Variants in CLIP2 observed in about 807,000 individuals in gnomAD.
The protein encoded by CLIP2 is CAP-Gly domain-containing linker protein 2.
CLIP2 carries 41 observed loss-of-function variants against 111.7 expected under a neutral mutation model. The observed-to-expected ratio is 0.37, with a 90% CI of 0.29 to 0.48. CLIP2 has a LOEUF of 0.48. CLIP2 is among the 20% of genes least tolerant of loss of function. The probability of loss-of-function intolerance (pLI) is 0.99; values close to 1 mark genes in which losing one functional copy is unlikely to be tolerated. For synonymous variants in CLIP2, 660 were observed against 644.2 expected (o/e 1.02, Z -0.37); for missense variants, 1,160 against 1,422.1 (o/e 0.82, Z 2.96).
intron 3 of CLIP2, among the ~76,000 whole-genome samples, chr7:74,348,272 A>G (rs1789861239): frequency 6.6e-6 from 1 of 152,138 alleles, no homozygotes; most frequent in Non-Finnish European, 1.5e-5. Context: ...TAATTAATTC[A>G]AGAAAATTCC....
chr7:74,305,399 C>T (rs900251359), intron 1 of CLIP2, among the ~76,000 whole-genome samples: 3 of 152,182 alleles, frequency 2.0e-5, no homozygotes, highest in African/African-American at 7.2e-5. Flanking sequence ...AGGTTTGTGC[C>T]CTGTGGTTGC....
chr7:74,398,021 G>T (rs1177972280), intron 14 of CLIP2, among the ~76,000 whole-genome samples: 1 of 151,658 alleles, frequency 6.6e-6, no homozygotes, highest in Non-Finnish European at 1.5e-5. Flanking sequence ...CTGCAGAGAC[G>T]GGTTGGGGTA....
chr7:74,369,291 C>T lies in CLIP2; in HGVS notation c.1381-3641C>T, dbSNP rs1790541696. Among the ~76,000 whole-genome samples the T allele has an allele frequency of 2.0e-5, 3 of 152,240 alleles. No individual in the cohort carries two copies. The South Asian group carries it at 6.2e-4, about 32-fold the overall frequency. On this transcript the variant is annotated intron_variant, in intron 8 of 16. Transcript: ENST00000223398. ...GCTTGAGCCAGGGAGGCGGAGGTTG[C>T]AGTGAAACAAGATCACACCACTGCA...
At position 74,380,636 on chromosome 7, in the gene CLIP2, G is replaced by A. The variant is rs1017285232; in HGVS notation, c.2422-170G>A. 3.9e-5 allele frequency: 21 copies of A among 536,338 alleles called. 1 individual carries two copies. The highest frequency in any genetic ancestry group is 3.8e-4 in the East Asian group (13 of 34,262). The allele number at this position is 536,338 out of a possible 1,614,324, so 33.2% of individuals were successfully genotyped here. A position where few individuals can be genotyped will look rare whatever the true frequency, so the allele number is the denominator to read the frequency against. ...GGGTCCTCTGTTGTCAGGGAGGTCC[G>A]ACTGAGGACGTCTGCACTCCCTGCC... On this transcript the variant is annotated intron_variant, in intron 10 of 16. Coordinates refer to ENST00000223398, the MANE Select transcript of CLIP2 (RefSeq NM_003388.5).
chr7:74,366,433 G>C (rs1790471373), intron 8 of CLIP2, among the ~76,000 whole-genome samples: 1 of 152,166 alleles, frequency 6.6e-6, no homozygotes, highest in South Asian at 2.1e-4. Flanking sequence ...TCTTCCCCAA[G>C]CTCCCTGTAC....
chr7:74,368,444 G>A (rs1439676544), intron 8 of CLIP2, among the ~76,000 whole-genome samples: 1 of 151,980 alleles, frequency 6.6e-6, no homozygotes, highest in Non-Finnish European at 1.5e-5. Context: ...TTGAACCTGG[G>A]AGGCGGAGGT....
At chr7:74,372,200 C>T (rs1450344888) in intron 8 of CLIP2, among the ~76,000 whole-genome samples, 1 of 152,072 alleles carries the variant, frequency 6.6e-6, no homozygotes, top group Non-Finnish European at 1.5e-5. Flanking sequence ...TATTGTCGAG[C>T]TGGGACAAAA....
chr7:74,371,558 C>T (rs1162950979), intron 8 of CLIP2, among the ~76,000 whole-genome samples: 1 of 126,214 alleles, frequency 7.9e-6, no homozygotes, highest in African/African-American at 3.1e-5. Context: ...GGGAGGGACA[C>T]AAAGAGGGGA....
chr7:74,361,201 T>C (rs1217254916), intron 7 of CLIP2, among the ~76,000 whole-genome samples: 1 of 125,976 alleles, frequency 7.9e-6, no homozygotes, highest in African/African-American at 2.9e-5. Context: ...CCTTCCTTCC[T>C]TCCTTCCCTC....
At chr7:74,353,754 A>G in intron 3 of CLIP2, 126 bp from the exon 4 acceptor site, 1 of 1,315,772 alleles carries the variant, frequency 7.6e-7, no homozygotes, top group South Asian at 1.2e-5. Flanking sequence ...CTCCCTCCCC[A>G]CTCCTGGCTC....
At chr7:74,349,724 C>T (rs1399895919) in intron 3 of CLIP2, among the ~76,000 whole-genome samples, 2 of 150,250 alleles carry the variant, frequency 1.3e-5, no homozygotes, top group African/African-American at 4.9e-5. Flanking sequence ...ACAGGTTCTC[C>T]TGTCTTAGCC....
chr7:74,390,258 G>A (rs1791261512), intron 13 of CLIP2, among the ~76,000 whole-genome samples: 1 of 151,602 alleles, frequency 6.6e-6, no homozygotes, highest in Admixed American at 6.6e-5. Context: ...TTGGTCTCAG[G>A]GACCCCTTTA....
chr7:74,308,471 C>A (rs1788554344), intron 1 of CLIP2, among the ~76,000 whole-genome samples: 1 of 152,102 alleles, frequency 6.6e-6, no homozygotes, highest in Non-Finnish European at 1.5e-5. Flanking sequence ...AAGTATCATT[C>A]ATTCATTCAT....
At chr7:74,347,335 C>T (rs1789824011) in intron 3 of CLIP2, among the ~76,000 whole-genome samples, 1 of 152,162 alleles carries the variant, frequency 6.6e-6, no homozygotes, top group Admixed American at 6.6e-5. Flanking sequence ...GTGGTGCGAC[C>T]TCAGCTCACT....
chr7:74,338,362 C>T lies in CLIP2; in HGVS notation c.122-86C>T. On this transcript the variant is annotated intron_variant, in intron 2 of 16. Coordinates refer to ENST00000223398, the MANE Select transcript of CLIP2 (RefSeq NM_003388.5). This position sits in a 1 kb window ranked among gnomAD's most constrained non-coding sequence, Gnocchi z 4.3. ...ACCCAAAAATACAAATCAGCCACCTCCCAACCCTAGACTCTGTGCTCCTGG... is the reference window on the plus strand; with the variant it reads ...ACCCAAAAATACAAATCAGCCACCTTCCAACCCTAGACTCTGTGCTCCTGG... The T allele has an allele frequency of 7.0e-7, 1 of 1,420,520 alleles. No individual in the cohort carries two copies. Among genetic ancestry groups the T allele is most frequent in the Non-Finnish European group, 9.5e-7 (1 of 1,055,254 alleles). 88.0% of individuals were successfully genotyped at this position (1,420,520 alleles called of 1,614,324 possible).
At chr7:74,296,246 C>G (rs1180952358) in intron 1 of CLIP2, among the ~76,000 whole-genome samples, 1 of 151,884 alleles carries the variant, frequency 6.6e-6, no homozygotes, top group Non-Finnish European at 1.5e-5. Flanking sequence ...TCAAGCCTCA[C>G]GTCTGTAATC....
intron 2 of CLIP2, among the ~76,000 whole-genome samples, chr7:74,329,821 C>A (rs952212286): frequency 6.6e-6 from 1 of 151,854 alleles, no homozygotes; most frequent in African/African-American, 2.4e-5. Context: ...GCTCTGTGGC[C>A]CAGGCTGGAG....
intron 1 of CLIP2, among the ~76,000 whole-genome samples, chr7:74,311,872 A>G (rs1788647588): frequency 6.6e-6 from 1 of 151,218 alleles, no homozygotes; most frequent in Non-Finnish European, 1.5e-5. Context: ...TGATCGTGTC[A>G]CTGCACTCCA....
At chr7:74,373,244 TC>T (rs1790687332) in intron 9 of CLIP2, among the ~76,000 whole-genome samples, 1 of 152,146 alleles carries the variant, frequency 6.6e-6, no homozygotes, top group African/African-American at 2.4e-5. Flanking sequence ...ACGCCTGTAA[TC>T]CCAGCACTTT....
Sources: allele counts gnomAD v4.1 joint callset (sites outside exome capture counted in the v4.1 genomes callset), GRCh38; gene constraint gnomAD v4.1.1; non-coding constraint Gnocchi (gnomAD v3.1); transcripts MANE v1.5; gene names NCBI Gene and HGNC (gene_info 2026-07-23, HGNC 2026-07-21).